MBNL1: variants seen among roughly 807,000 people sequenced by gnomAD.
MBNL1 encodes muscleblind like splicing regulator 1, also known as muscleblind-like protein 1.
In MBNL1, 8 loss-of-function variants were observed where a neutral mutation model predicts 42.2. The ratio of observed to expected loss-of-function variants is 0.19; its 90% confidence interval spans 0.11 to 0.34. The LOEUF is 0.34. MBNL1 is among the 10% of genes least tolerant of loss of function. MBNL1 has a pLI of 1.00. For synonymous variants in MBNL1, 169 were observed against 173.9 expected, an observed-to-expected ratio of 0.97 and a Z score of 0.22; for missense variants, 309 against 495.3, an observed-to-expected ratio of 0.62 and a Z score of 3.57.
At chr3:152,338,027 C>T in intron 2 of MBNL1, 1 of 892,458 alleles carries the variant, frequency 1.1e-6, no homozygotes, top group South Asian at 5.2e-5. Context: ...ATTGCGATGA[C>T]AAGATATAAT....
chr3:152,346,550 T>G (rs2094277383), intron 2 of MBNL1, among the ~76,000 whole-genome samples: 1 of 152,136 alleles, frequency 6.6e-6, no homozygotes, highest in Non-Finnish European at 1.5e-5. Context: ...ACCACATATT[T>G]TTCCTAGAAT....
chr3:152,401,988 C>T (rs1239660469), intron 2 of MBNL1, among the ~76,000 whole-genome samples: 3 of 149,356 alleles, frequency 2.0e-5, no homozygotes, highest in African/African-American at 7.4e-5. Flanking sequence ...GCCGAGATCG[C>T]GCCACTGCAC....
chr3:152,277,901 T>C (rs188061142), intron 1 of MBNL1, among the ~76,000 whole-genome samples: 26 of 152,246 alleles, frequency 1.7e-4, no homozygotes, highest in African/African-American at 6.3e-4. Context: ...ACACTATTTA[T>C]GTCTTTAAAT....
chr3:152,378,966 T>C (rs1364945942), intron 2 of MBNL1, among the ~76,000 whole-genome samples: 24 of 152,140 alleles, frequency 1.6e-4, no homozygotes, highest in Non-Finnish European at 3.2e-4. Context: ...GTCCCCCTCC[T>C]TGACCTCCCA....
intron 2 of MBNL1, among the ~76,000 whole-genome samples, chr3:152,327,694 A>T (rs1219796860): frequency 6.6e-6 from 1 of 152,022 alleles, no homozygotes; most frequent in Non-Finnish European, 1.5e-5. Flanking sequence ...TCCACTCGTG[A>T]TGTGATTTAA....
rs561760814 is a variant in MBNL1 at position 152,258,906 on chromosome 3, A to C, written n.333+14466A>C. 5.3e-5 allele frequency among the ~76,000 whole-genome samples: 8 copies of C among 152,332 alleles called. No homozygotes were observed. The East Asian group carries it at 1.5e-3, about 29-fold the overall frequency. On this transcript the variant is annotated intron_variant and non_coding_transcript_variant, in intron 2 of 2. Coordinates refer to the MBNL1 transcript ENST00000477171. ...GTTCAAGAGTAATCAAGAAAAGTTG[A>C]CACCTTCTAGTGTCCACGTGGGCTT...
At chr3:152,368,346 C>G (rs751959171) in intron 2 of MBNL1, among the ~76,000 whole-genome samples, 6 of 152,068 alleles carry the variant, frequency 3.9e-5, no homozygotes, top group African/African-American at 9.7e-5. Flanking sequence ...TTTTTGAGGC[C>G]TCTGTTCTGT....
At chr3:152,357,994 T>G (rs1370273845) in intron 2 of MBNL1, among the ~76,000 whole-genome samples, 1 of 150,800 alleles carries the variant, frequency 6.6e-6, no homozygotes, top group Non-Finnish European at 1.5e-5. Flanking sequence ...GTTAGAAGGG[T>G]GTGTGTGTGT....
At chr3:152,260,695 A>C (rs547987887) in intron 2 of MBNL1, among the ~76,000 whole-genome samples, 1 of 152,204 alleles carries the variant, frequency 6.6e-6, no homozygotes, top group African/African-American at 2.4e-5. Flanking sequence ...AACAAACAGC[A>C]AACTAAGCAT....
chr3:152,269,183 G>T (rs910140646), intron 1 of MBNL1, 91 bp downstream of exon 1: 1 of 394,042 alleles, frequency 2.5e-6, no homozygotes, highest in Non-Finnish European at 5.1e-6. Flanking sequence ...GTGCGAGGAG[G>T]TGCTCGCCGG....
intron 4 of MBNL1, among the ~76,000 whole-genome samples, chr3:152,439,370 T>C (rs2099118081): frequency 6.6e-6 from 1 of 152,248 alleles, no homozygotes; most frequent in Non-Finnish European, 1.5e-5. Flanking sequence ...GATAAAAGAC[T>C]TTCTATTCAG....
At chr3:152,395,275 G>A (rs1361939279) in intron 2 of MBNL1, among the ~76,000 whole-genome samples, 1 of 152,144 alleles carries the variant, frequency 6.6e-6, no homozygotes, top group South Asian at 2.1e-4. Context: ...ACATGTTATT[G>A]CTTCAAGGTT....
In MBNL1 at chr3:152,362,579, C is replaced by T. The variant is rs145642671; in HGVS notation, c.175-52362C>T. Among the ~76,000 whole-genome samples, 319 of 152,114 alleles carry T rather than the reference C, an allele frequency of 2.1e-3. 9 individuals carry two copies. The East Asian group carries it at 0.05, about 24-fold the overall frequency. On this transcript the variant is annotated intron_variant, in intron 2 of 9. Coordinates refer to ENST00000324210, the MANE Select transcript of MBNL1 (RefSeq NM_021038.5). ...CTCAGCACTATTGTCATCTTGGACC[C>T]GATAAATATTTGTTGTAGAGGGGTG... is the stretch of plus-strand genomic sequence containing the variant.
upstream of MBNL1, chr3:152,268,702 C>A: frequency 4.4e-6 from 2 of 453,618 alleles, no homozygotes; most frequent in Non-Finnish European, 8.9e-6. Flanking sequence ...CCGCCCATGA[C>A]CCGCTCTTGC....
intron 4 of MBNL1, among the ~76,000 whole-genome samples, chr3:152,433,325 A>G (rs976366788): frequency 1.3e-5 from 2 of 152,214 alleles, no homozygotes; most frequent in Non-Finnish European, 2.9e-5. Flanking sequence ...TCCCCTAAAA[A>G]TTGTTCTCAT....
At chr3:152,331,630 A>T (rs2084609129) in intron 2 of MBNL1, among the ~76,000 whole-genome samples, 1 of 152,178 alleles carries the variant, frequency 6.6e-6, no homozygotes, top group South Asian at 2.1e-4. Context: ...AAGCGGACCC[A>T]GTAAGGGTTG....
chr3:152,322,424 A>G (rs1360990429), intron 2 of MBNL1, among the ~76,000 whole-genome samples: 1 of 152,114 alleles, frequency 6.6e-6, no homozygotes, highest in Non-Finnish European at 1.5e-5. Context: ...CATTTCATTA[A>G]AAATTGACGC....
In MBNL1 at chr3:152,253,365, C is replaced by G. The variant is rs2034958422; in HGVS notation, n.333+8925C>G. Among the ~76,000 whole-genome samples the G allele has an allele frequency of 2.0e-5, 3 of 152,098 alleles. No homozygotes were observed. In the South Asian group the frequency reaches 6.2e-4, roughly 31 times the overall value. On this transcript the variant is annotated intron_variant and non_coding_transcript_variant, in intron 2 of 2. Coordinates refer to the MBNL1 transcript ENST00000477171. Reference sequence around the variant, plus strand: ...TCTGTTCCCAAAATATATTCCAATGCTGACCAGAATCACCTGTTTCACATC... The same window carrying G: ...TCTGTTCCCAAAATATATTCCAATGGTGACCAGAATCACCTGTTTCACATC...
At position 152,445,313 on chromosome 3, in the gene MBNL1, A is replaced by G. The variant is rs752061763; in HGVS notation, c.581A>G (p.Asn194Ser). The G allele has an allele frequency of 1.9e-6, 3 of 1,614,122 alleles. No individual in the cohort carries two copies. The highest frequency in any genetic ancestry group is 2.5e-6 in the Non-Finnish European group (3 of 1,179,970). Residue 194 changes from asparagine (N) to serine (S), a missense_variant, in exon 5 of 10, where the codon AAC (asparagine) becomes AGC (serine). Physicochemically the swap from Asn to Ser is conservative, Grantham distance 46. Coordinates refer to ENST00000324210, the MANE Select transcript of MBNL1 (RefSeq NM_021038.5). ...VCREYQRGNC[N>S]RGENDCRFAH... is the part of the protein sequence containing the mutation. ...CGAGAGTACCAACGTGGCAATTGCA[A>G]CCGAGGAGAAAATGATTGTCGGTTT... is the stretch of plus-strand genomic sequence containing the variant.
Sources: gnomAD v4.1 joint callset for allele counts (sites outside exome capture counted in the v4.1 genomes callset) on GRCh38, gnomAD v4.1.1 for gene constraint, MANE v1.5 for transcripts, NCBI Gene and HGNC (gene_info 2026-07-23, HGNC 2026-07-21) for gene names.